AFG2A: variants seen among roughly 807,000 people sequenced by gnomAD.
AFG2A encodes the protein AAA ATPase AFG2A.
chr4:122,942,059 A>G, the AFG2A span, among the ~76,000 whole-genome samples: 2 of 151,882 alleles, frequency 1.3e-5, no homozygotes, highest in Admixed American at 6.6e-5. Context: ...GGATTTTTGC[A>G]TCAATGTTCA....
At chr4:123,145,501 C>A in the AFG2A span, among the ~76,000 whole-genome samples, 11 of 152,176 alleles carry the variant, frequency 7.2e-5, no homozygotes, top group East Asian at 2.1e-3. Context: ...ATATGTTAAG[C>A]ACTTTTCATT....
At chr4:123,279,273 G>A in the AFG2A span, among the ~76,000 whole-genome samples, 58 of 152,128 alleles carry the variant, frequency 3.8e-4, no homozygotes, top group African/African-American at 1.1e-3. Flanking sequence ...AAAATGAGCC[G>A]GGCGTGGTGG....
chr4:123,193,718 A>G, the AFG2A span, among the ~76,000 whole-genome samples: 7 of 152,348 alleles, frequency 4.6e-5, no homozygotes, highest in African/African-American at 1.4e-4. Context: ...CTTAATCAGA[A>G]TGTGAAAAAG....
the AFG2A span, among the ~76,000 whole-genome samples, chr4:122,927,193 A>G: frequency 1.3e-5 from 2 of 152,338 alleles, no homozygotes; most frequent in East Asian, 1.9e-4. Context: ...AATACAAAAG[A>G]AAAAGATCTG....
the AFG2A span, among the ~76,000 whole-genome samples, chr4:123,273,643 G>A: frequency 2.0e-5 from 3 of 152,158 alleles, no homozygotes; most frequent in Non-Finnish European, 2.9e-5. Context: ...TTTTGAGCAC[G>A]GGCATGATGC....
chr4:123,239,257 T>C, the AFG2A span, among the ~76,000 whole-genome samples: 335 of 152,302 alleles, frequency 2.2e-3, 2 homozygotes, highest in Middle Eastern at 0.014. Context: ...GAAAACACTC[T>C]TCAGGATATT....
At chr4:122,992,655 C>T in the AFG2A span, among the ~76,000 whole-genome samples, 2 of 152,196 alleles carry the variant, frequency 1.3e-5, no homozygotes, top group African/African-American at 2.4e-5. Context: ...CCAAATCACA[C>T]TTGCCTAGTT....
the AFG2A span, among the ~76,000 whole-genome samples, chr4:123,079,619 G>A: frequency 6.6e-6 from 1 of 151,744 alleles, no homozygotes; most frequent in South Asian, 2.1e-4. Flanking sequence ...TTTTGTTGAT[G>A]TGTAACCCTC....
chr4:123,080,883 C>T, the AFG2A span, among the ~76,000 whole-genome samples: 1 of 152,046 alleles, frequency 6.6e-6, no homozygotes, highest in Non-Finnish European at 1.5e-5. Flanking sequence ...ATCGCTCCAA[C>T]ATTTTTCTAA....
At chr4:122,929,245 G>C in the AFG2A span, 2 of 1,490,400 alleles carry the variant, frequency 1.3e-6, no homozygotes, top group African/African-American at 2.9e-5. Flanking sequence ...CTGCCCAGTA[G>C]AAATATAAGA....
chr4:122,943,224 T>C, the AFG2A span, among the ~76,000 whole-genome samples: 1 of 152,300 alleles, frequency 6.6e-6, no homozygotes, highest in East Asian at 1.9e-4. Flanking sequence ...TGTCTAATGT[T>C]GACAGTGGGG....
chr4:123,066,389 T>C, the AFG2A span, among the ~76,000 whole-genome samples: 1 of 152,160 alleles, frequency 6.6e-6, no homozygotes, highest in Non-Finnish European at 1.5e-5. Context: ...TAAAATTTCA[T>C]AAAATCATAG....
the AFG2A span, among the ~76,000 whole-genome samples, chr4:123,108,086 C>T: frequency 6.6e-6 from 1 of 152,226 alleles, no homozygotes; most frequent in Non-Finnish European, 1.5e-5. Flanking sequence ...GCCTTGACGG[C>T]TTGGCAGAGC....
At chr4:122,972,989 A>T in the AFG2A span, among the ~76,000 whole-genome samples, 1 of 152,116 alleles carries the variant, frequency 6.6e-6, no homozygotes, top group African/African-American at 2.4e-5. Context: ...CTTTTTAAAA[A>T]TTTTGGCTAA....
At chr4:123,090,664 A>G in the AFG2A span, 1 of 1,614,178 alleles carries the variant, frequency 6.2e-7, no homozygotes, top group South Asian at 1.1e-5. Context: ...AAAGGATGTG[A>G]CCATTTTGGC....
At chr4:123,292,126 C>T in the AFG2A span, among the ~76,000 whole-genome samples, 4 of 152,158 alleles carry the variant, frequency 2.6e-5, no homozygotes, top group Admixed American at 1.3e-4. Flanking sequence ...TCTTCAAGCT[C>T]TGACATCCTT....
At chr4:123,248,073 CA>C in the AFG2A span, among the ~76,000 whole-genome samples, 78 of 150,642 alleles carry the variant, frequency 5.2e-4, no homozygotes, top group East Asian at 0.011. Flanking sequence ...GCTTTGCACA[CA>C]AAAAAAAAAT....
chr4:122,944,423 C>T, the AFG2A span, among the ~76,000 whole-genome samples: 11 of 152,284 alleles, frequency 7.2e-5, no homozygotes, highest in South Asian at 2.1e-4. Context: ...TCCAGTTGAT[C>T]GCATCGGCTC....
chr4:123,231,748 TA>T, the AFG2A span, among the ~76,000 whole-genome samples: 1 of 151,966 alleles, frequency 6.6e-6, no homozygotes, highest in Non-Finnish European at 1.5e-5. Flanking sequence ...TCCTTTCACT[TA>T]AATACTTAAA....
Sources: gnomAD v4.1 joint callset for allele counts (sites outside exome capture counted in the v4.1 genomes callset) on GRCh38, gnomAD v4.1.1 for gene constraint, MANE v1.5 for transcripts, NCBI Gene and HGNC (gene_info 2026-07-23, HGNC 2026-07-21) for gene names.